CIMAP1A: variants seen among roughly 807,000 people sequenced by gnomAD.
CIMAP1A encodes cancer/testis antigen 135.
the CIMAP1A span, chr11:199,552 G>C: frequency 6.5e-7 from 1 of 1,538,426 alleles, no homozygotes; most frequent in Admixed American, 2.0e-5. Context: ...GTGGGGCAGG[G>C]TCCTGGCCCA....
chr11:197,254 G>A, the CIMAP1A span: 1 of 1,361,078 alleles, frequency 7.3e-7, no homozygotes, highest in Admixed American at 2.2e-5. Context: ...ATGGGACAGG[G>A]CCGGGCCTCC....
At chr11:199,905 C>G in the CIMAP1A span, 2 of 1,609,718 alleles carry the variant, frequency 1.2e-6, no homozygotes, top group African/African-American at 1.3e-5. Context: ...CAGGTGGGGG[C>G]AGGGGTGCTG....
chr11:200,033 A>G, the CIMAP1A span: 1 of 1,613,816 alleles, frequency 6.2e-7, no homozygotes, highest in Non-Finnish European at 8.5e-7. Flanking sequence ...ATGTGGAATA[A>G]CGCCAGCCCT....
the CIMAP1A span, chr11:199,411 A>G: frequency 6.3e-7 from 1 of 1,574,964 alleles, no homozygotes; most frequent in South Asian, 1.2e-5. Flanking sequence ...TGTGCGGGTG[A>G]CCAAGTTCAA....
At chr11:198,351 G>A in the CIMAP1A span, 7 of 1,613,366 alleles carry the variant, frequency 4.3e-6, no homozygotes, top group African/African-American at 9.3e-5. Context: ...GGGATCCTGG[G>A]TGGGGTGTGT....
chr11:198,194 T>C, the CIMAP1A span: 6 of 1,613,232 alleles, frequency 3.7e-6, no homozygotes, highest in Non-Finnish European at 5.1e-6. Flanking sequence ...TGGCTCCTTG[T>C]CCAGGTGACT....
At chr11:198,920 G>A in the CIMAP1A span, 1 of 1,210,696 alleles carries the variant, frequency 8.3e-7, no homozygotes, top group Non-Finnish European at 1.0e-6. Context: ...GAGCTATTTG[G>A]GGGAGGAGGG....
the CIMAP1A span, chr11:197,566 A>G: frequency 6.2e-7 from 1 of 1,613,128 alleles, no homozygotes; most frequent in Non-Finnish European, 8.5e-7. Flanking sequence ...CACAGGCTTC[A>G]TGAAGCACAC....
chr11:198,172 C>T, the CIMAP1A span: 10 of 1,607,958 alleles, frequency 6.2e-6, no homozygotes, highest in East Asian at 2.3e-4. Flanking sequence ...CTGCTTGTCC[C>T]AGCAGCCCCC....
chr11:200,206 T>G, the CIMAP1A span: 5 of 606,780 alleles, frequency 8.2e-6, no homozygotes, highest in Non-Finnish European at 1.4e-5. Context: ...TTTACCATTT[T>G]TTAATCTTGT....
chr11:197,663 A>G, the CIMAP1A span: 4 of 1,613,544 alleles, frequency 2.5e-6, no homozygotes, highest in African/African-American at 4.0e-5. Context: ...CCCCGTTACA[A>G]TGTAAACCCC....
the CIMAP1A span, chr11:198,482 T>G: frequency 1.9e-6 from 3 of 1,613,284 alleles, no homozygotes; most frequent in Non-Finnish European, 2.5e-6. Flanking sequence ...GCGTACATGC[T>G]GCCCATGGTA....
the CIMAP1A span, chr11:198,467 C>T: frequency 5.0e-6 from 8 of 1,613,270 alleles, no homozygotes; most frequent in South Asian, 8.8e-5. Context: ...CCTGCAGGCC[C>T]CGCTGCGTAC....
At chr11:199,846 C>T in the CIMAP1A span, 1 of 1,516,372 alleles carries the variant, frequency 6.6e-7, no homozygotes, top group Non-Finnish European at 8.8e-7. Context: ...CACCTTGGCC[C>T]CAGGTTCAGG....
chr11:199,320 C>A, the CIMAP1A span: 3 of 1,549,654 alleles, frequency 1.9e-6, no homozygotes, highest in South Asian at 3.6e-5. Flanking sequence ...CCTCTAGGGC[C>A]ACACGCCCTG....
chr11:199,662 T>TGGGGGGGGGGGGG, the CIMAP1A span: 1 of 227,660 alleles, frequency 4.4e-6, no homozygotes, highest in Admixed American at 1.4e-4. Flanking sequence ...GGTGGAGGGG[T>TGGGGGGGGGGGGG]GGGGTGGGGA....
chr11:197,930 G>T, the CIMAP1A span: 2 of 1,501,630 alleles, frequency 1.3e-6, no homozygotes, highest in Non-Finnish European at 1.8e-6. Context: ...GGGCAGAGAA[G>T]ACTCTGGCCC....
At chr11:199,820 G>C in the CIMAP1A span, 1 of 1,478,154 alleles carries the variant, frequency 6.8e-7, no homozygotes, top group East Asian at 2.5e-5. Context: ...TCAAACCTGG[G>C]AGCATAGCTT....
At chr11:197,634 A>G in the CIMAP1A span, 1 of 1,613,610 alleles carries the variant, frequency 6.2e-7, no homozygotes. Flanking sequence ...TGCTCCTGGC[A>G]GAGAACTGCT....
Sources: gnomAD v4.1 joint callset for allele counts on GRCh38, gnomAD v4.1.1 for gene constraint, MANE v1.5 for transcripts, NCBI Gene and HGNC (gene_info 2026-07-23, HGNC 2026-07-21) for gene names.